The following MIPOL1 variants were observed in gnomAD, a reference collection of about 807,000 sequenced individuals.
The protein encoded by MIPOL1 is mirror-image polydactyly 1, also known as mirror-image polydactyly gene 1 protein.
MIPOL1 carries 57 observed loss-of-function variants against 60.9 expected under a neutral mutation model. That is an observed-to-expected ratio of 0.94 (90% CI 0.76 to 1.17). MIPOL1 has a LOEUF of 1.17. Ranked by LOEUF, MIPOL1 falls within the 50% of genes most tolerant of loss-of-function variation. The pLI, the probability that MIPOL1 is intolerant of heterozygous loss-of-function variation, is 0.00. For missense variants in MIPOL1, 551 were observed against 511.6 expected (o/e 1.08, Z -0.74); for synonymous variants, 179 against 168.8 (o/e 1.06, Z -0.47).
At position 37,500,144 on chromosome 14, in the gene MIPOL1, T is replaced by A; in HGVS notation, c.1262+6T>A. On this transcript the variant is annotated splice_donor_region_variant and intron_variant, in intron 12 of 12. Transcript: ENST00000684589. ...GCCAATGAAAAAGTTCAAAAGTAAG[T>A]TAAATGATCTTGTAATAATACTTCA... 1 of 1,565,066 alleles carries A rather than the reference T, an allele frequency of 6.4e-7. No homozygotes were observed. The highest frequency in any genetic ancestry group is 1.8e-5 in the Admixed American group (1 of 56,136).
chr14:37,513,272 A>T (rs2095343146), intron 12 of MIPOL1, among the ~76,000 whole-genome samples: 1 of 152,168 alleles, frequency 6.6e-6, no homozygotes, highest in South Asian at 2.1e-4. Context: ...GCATTTCATT[A>T]AAATTATCAC....
At chr14:37,365,653 T>C (rs1453864815) in intron 9 of MIPOL1, among the ~76,000 whole-genome samples, 1 of 152,160 alleles carries the variant, frequency 6.6e-6, no homozygotes, top group Non-Finnish European at 1.5e-5. Flanking sequence ...ATCAGAGATA[T>C]TGGCCTACAG....
At chr14:37,383,314 T>C (rs1008440586) in intron 10 of MIPOL1, among the ~76,000 whole-genome samples, 3 of 151,844 alleles carry the variant, frequency 2.0e-5, no homozygotes, top group Non-Finnish European at 2.9e-5. Context: ...CCAGAGTCAT[T>C]TTTGTGTATT....
intron 2 of MIPOL1, among the ~76,000 whole-genome samples, chr14:37,247,541 TGAA>T (rs201510896): frequency 1.4e-3 from 217 of 152,170 alleles, no homozygotes; most frequent in African/African-American, 4.8e-3. Flanking sequence ...AAATTGTAGT[TGAA>T]GAAGATTTCA....
intron 3 of MIPOL1, among the ~76,000 whole-genome samples, chr14:37,250,501 C>T (rs533039406): frequency 2.6e-4 from 40 of 152,244 alleles, no homozygotes; most frequent in Admixed American, 1.2e-3. Flanking sequence ...GAGCAGAGAT[C>T]ATGCCATCAC....
At chr14:37,403,967 A>G (rs1320812344) in intron 10 of MIPOL1, among the ~76,000 whole-genome samples, 10 of 152,180 alleles carry the variant, frequency 6.6e-5, no homozygotes, top group Admixed American at 6.6e-4. Context: ...TTTGTAGGAC[A>G]GAGATGGTTT....
chr14:37,247,940 C>T, intron 3 of MIPOL1, 33 bp downstream of exon 3: 2 of 1,608,944 alleles, frequency 1.2e-6, no homozygotes, highest in Non-Finnish European at 8.5e-7. Context: ...TACCAAGCCC[C>T]AGGTGTTGTT....
chr14:37,267,585 A>G (rs1399702321), intron 4 of MIPOL1, among the ~76,000 whole-genome samples: 7 of 151,886 alleles, frequency 4.6e-5, no homozygotes, highest in Non-Finnish European at 8.8e-5. Context: ...GTGTTGGCTA[A>G]TTCTAAACTT....
At chr14:37,506,299 C>T (rs2095275891) in intron 12 of MIPOL1, 1 of 152,140 alleles carries the variant, frequency 6.6e-6, no homozygotes, top group Non-Finnish European at 1.5e-5. Flanking sequence ...CAAGACAATC[C>T]TAAGCAAAAA....
chr14:37,448,743 T>C (rs1216081515), intron 11 of MIPOL1, among the ~76,000 whole-genome samples: 3 of 152,124 alleles, frequency 2.0e-5, no homozygotes, highest in Non-Finnish European at 4.4e-5. Context: ...GTTTTAAAGA[T>C]CTTAGAGAAC....
chr14:37,226,717 T>C (rs1969810721), intron 1 of MIPOL1, among the ~76,000 whole-genome samples: 1 of 152,092 alleles, frequency 6.6e-6, no homozygotes, highest in Admixed American at 6.5e-5. Flanking sequence ...GATGGGAGGA[T>C]TGCTTGAGCC....
At chr14:37,274,721 T>C (rs1370423032) in intron 6 of MIPOL1, among the ~76,000 whole-genome samples, 1 of 151,346 alleles carries the variant, frequency 6.6e-6, no homozygotes, top group African/African-American at 2.4e-5. Flanking sequence ...TAAGCATTAG[T>C]TAAAAATCTA....
chr14:37,397,265 C>A (rs947444860), intron 10 of MIPOL1, among the ~76,000 whole-genome samples: 2 of 151,944 alleles, frequency 1.3e-5, no homozygotes, highest in Non-Finnish European at 2.9e-5. Context: ...TGCCACCCAG[C>A]AAGCCTACCC....
intron 9 of MIPOL1, among the ~76,000 whole-genome samples, chr14:37,336,105 G>GTTTTTTTTTTTTTT (rs139169812): frequency 8.9e-6 from 1 of 111,772 alleles, no homozygotes. Flanking sequence ...CAAATTCATG[G>GTTTTTTTTTTTTTT]TTTTTTTTTT....
At chr14:37,405,253 C>A (rs567738026) in intron 10 of MIPOL1, among the ~76,000 whole-genome samples, 2 of 152,218 alleles carry the variant, frequency 1.3e-5, no homozygotes, top group East Asian at 3.9e-4. Context: ...ACAGGGGATT[C>A]TTTTTTCTTA....
chr14:37,311,360 T>C (rs2087305411), intron 9 of MIPOL1, among the ~76,000 whole-genome samples: 1 of 152,130 alleles, frequency 6.6e-6, no homozygotes, highest in Non-Finnish European at 1.5e-5. Flanking sequence ...TCCTATCTTT[T>C]CTCCCTCCAC....
At chr14:37,479,345 A>T (rs150988496) in intron 11 of MIPOL1, among the ~76,000 whole-genome samples, 3 of 152,128 alleles carry the variant, frequency 2.0e-5, no homozygotes, top group Non-Finnish European at 4.4e-5. Context: ...CATATCAAGT[A>T]TTTTTTTGAC....
Position 37,308,510 on chromosome 14 carries a change from C to A in MIPOL1, c.819C>A (p.Ala273=). ...MSALIEERDA[A]LSKCKRLEQE... ...CACTAATAGAAGAACGGGATGCTGC[C>A]TTGTCTAAGGTAACTCTGCATATAT... The change falls in exon 9 of 13, where the codon GCC becomes GCA. Residue 273 remains alanine, a synonymous_variant. Coordinates refer to ENST00000684589, the MANE Select transcript of MIPOL1 (RefSeq NM_001388067.1). 6.3e-7 allele frequency: 1 copy of A among 1,579,544 alleles called. No individual in the cohort carries two copies. The highest frequency in any genetic ancestry group is 8.6e-7 in the Non-Finnish European group (1 of 1,166,608).
rs559824009 is a variant in MIPOL1 at position 37,418,004 on chromosome 14, G to T, written c.937-4851G>T. Among the ~76,000 whole-genome samples the T allele has an allele frequency of 3.9e-5, 6 of 152,220 alleles. No homozygotes were observed. The East Asian group carries it at 1.2e-3, about 29-fold the overall frequency. Reference sequence around the variant, plus strand: ...AAGTAAGGTTCCGTATTACCTCTGAGATCCTTTCCAAGTCTAAAATTATTT... The same window carrying T: ...AAGTAAGGTTCCGTATTACCTCTGATATCCTTTCCAAGTCTAAAATTATTT... On this transcript the variant is annotated intron_variant, in intron 10 of 12. Transcript: ENST00000684589.
Sources: allele counts gnomAD v4.1 joint callset (sites outside exome capture counted in the v4.1 genomes callset), GRCh38; gene constraint gnomAD v4.1.1; transcripts MANE v1.5; gene names NCBI Gene and HGNC (gene_info 2026-07-23, HGNC 2026-07-21).